Variants in PTPRM observed in about 807,000 individuals in gnomAD.
The protein encoded by PTPRM is receptor-type tyrosine-protein phosphatase mu.
PTPRM carries 47 observed loss-of-function variants against 186.7 expected under a neutral mutation model. That is an observed-to-expected ratio of 0.25 (90% CI 0.20 to 0.32). The LOEUF (loss-of-function observed/expected upper bound fraction) is 0.32. Among genes scored for constraint, PTPRM ranks in the 10% least tolerant of loss-of-function variants. The pLI is 1.00. For synonymous variants in PTPRM, 668 were observed against 674.9 expected (o/e 0.99, Z 0.16); for missense variants, 1,494 against 1,865.0 (o/e 0.80, Z 3.66).
chr18:8,271,736 T>G (rs1012780969), intron 19 of PTPRM, among the ~76,000 whole-genome samples: 1 of 152,128 alleles, frequency 6.6e-6, no homozygotes, highest in Non-Finnish European at 1.5e-5. Context: ...TTCATATGAA[T>G]TTCTACATTT....
chr18:8,181,548 A>G (rs929886559), intron 14 of PTPRM, among the ~76,000 whole-genome samples: 3 of 152,230 alleles, frequency 2.0e-5, no homozygotes, highest in African/African-American at 7.2e-5. Context: ...GACTCCACGG[A>G]CCAAACAAAT....
At chr18:7,891,598 G>A (rs1012746516) in intron 3 of PTPRM, among the ~76,000 whole-genome samples, 21 of 152,166 alleles carry the variant, frequency 1.4e-4, no homozygotes, top group African/African-American at 5.1e-4. Context: ...CGGGCGCAAT[G>A]GCTCGTGCCT....
intron 4 of PTPRM, 21 bp from the exon 5 acceptor site, chr18:7,926,547 T>C: frequency 6.4e-7 from 1 of 1,565,258 alleles, no homozygotes; most frequent in Non-Finnish European, 8.7e-7. Context: ...TTAATATCTT[T>C]CATTCTTTTT....
chr18:8,271,924 T>C (rs2094776420), intron 19 of PTPRM, among the ~76,000 whole-genome samples: 1 of 152,078 alleles, frequency 6.6e-6, no homozygotes, highest in Admixed American at 6.6e-5. Flanking sequence ...AGAAATAACT[T>C]TTGTTGGCTG....
chr18:7,889,328 T>C (rs938466007), intron 3 of PTPRM, among the ~76,000 whole-genome samples: 5 of 123,692 alleles, frequency 4.0e-5, no homozygotes, highest in Non-Finnish European at 7.9e-5. Context: ...TATTTTCTTT[T>C]CTTTCTTTTT....
chr18:8,325,314 C>T (rs2095369022), intron 22 of PTPRM, among the ~76,000 whole-genome samples: 1 of 152,128 alleles, frequency 6.6e-6, no homozygotes, highest in South Asian at 2.1e-4. Context: ...CTCCCTCCTC[C>T]CACCCTCTAC....
intron 1 of PTPRM, among the ~76,000 whole-genome samples, chr18:7,620,100 C>A (rs1363109386): frequency 6.6e-6 from 1 of 152,174 alleles, no homozygotes; most frequent in African/African-American, 2.4e-5. Context: ...AGGAGAAAAC[C>A]ACTCAGGCGG....
At chr18:8,037,986 TA>T (rs1191567258) in intron 7 of PTPRM, among the ~76,000 whole-genome samples, 1 of 152,206 alleles carries the variant, frequency 6.6e-6, no homozygotes, top group Non-Finnish European at 1.5e-5. Context: ...TATGGTATAT[TA>T]AAATTATTTA....
Position 8,406,448 on chromosome 18 carries a change from C to A in PTPRM, c.*286C>A. ...ACAGCTGGTAAACTGAAGAGCACAA[C>A]TATATTCTTATGAAGGAATTTGTAC... On this transcript the variant is annotated 3_prime_UTR_variant, in exon 33 of 33. Transcript: ENST00000580170. 1 of 371,304 alleles carries A rather than the reference C, an allele frequency of 2.7e-6. No homozygotes were observed. The highest frequency in any genetic ancestry group is 4.8e-6 in the Non-Finnish European group (1 of 206,274). The allele number at this position is 371,304 out of a possible 1,614,324, so 23.0% of individuals were successfully genotyped here.
chr18:7,625,831 G>C lies in PTPRM; in HGVS notation c.73+57940G>C, dbSNP rs551192712. On this transcript the variant is annotated intron_variant, in intron 1 of 32. Transcript: ENST00000580170. ...ATTACAGGCGTGAGCAACAGCGCCTGGCCAAGGGGGTTTGTTCATCAAGAT... is the reference window on the plus strand; with the variant it reads ...ATTACAGGCGTGAGCAACAGCGCCTCGCCAAGGGGGTTTGTTCATCAAGAT... Among the ~76,000 whole-genome samples the C allele has an allele frequency of 3.5e-4, 53 of 152,318 alleles. No homozygotes were observed. The South Asian group carries it at 3.9e-3, about 11-fold the overall frequency.
chr18:7,828,531 A>G (rs758117365), intron 2 of PTPRM, among the ~76,000 whole-genome samples: 22 of 152,074 alleles, frequency 1.4e-4, no homozygotes, highest in African/African-American at 3.9e-4. Context: ...ATGCTCCCTC[A>G]TGGATGCCAC....
At chr18:7,953,629 A>G (rs1599703826) in intron 6 of PTPRM, among the ~76,000 whole-genome samples, 3 of 152,216 alleles carry the variant, frequency 2.0e-5, no homozygotes, top group Admixed American at 6.5e-5. Context: ...AAAAGTCAGT[A>G]TGACTTATCC....
chr18:8,192,743 A>G (rs2146725816), intron 14 of PTPRM, among the ~76,000 whole-genome samples: 1 of 152,356 alleles, frequency 6.6e-6, no homozygotes, highest in East Asian at 1.9e-4. Flanking sequence ...AGATCTAATA[A>G]TAAGAATTGT....
rs998390448 is a variant in PTPRM at position 8,230,906 on chromosome 18, GT to G, written c.2301-13149del. On this transcript the variant is annotated intron_variant, in intron 14 of 32. Coordinates refer to ENST00000580170, the MANE Select transcript of PTPRM (RefSeq NM_001105244.2). Reference sequence around the variant, plus strand: ...TGTAATTTGGTATAATATATGCATTGTTTGACTAAACCAATAATAATTTCAT... The same window carrying G: ...TGTAATTTGGTATAATATATGCATTGTTGACTAAACCAATAATAATTTCAT... 2.6e-5 allele frequency among the ~76,000 whole-genome samples: 4 copies of G among 152,042 alleles called. 1 individual carries two copies. The highest frequency in any genetic ancestry group is 2.9e-5 in the Non-Finnish European group (2 of 68,014).
At chr18:7,858,890 G>A (rs187565508) in intron 2 of PTPRM, among the ~76,000 whole-genome samples, 2 of 152,258 alleles carry the variant, frequency 1.3e-5, no homozygotes, top group East Asian at 3.9e-4. Flanking sequence ...CCCAGTGGAC[G>A]ATTAGCTAGT....
chr18:8,340,928 C>T (rs1198698309), intron 22 of PTPRM, among the ~76,000 whole-genome samples: 1 of 152,116 alleles, frequency 6.6e-6, no homozygotes, highest in African/African-American at 2.4e-5. Context: ...CATTGCCTCC[C>T]GTAGAGAACA....
At chr18:7,909,128 C>T (rs2050140130) in intron 4 of PTPRM, among the ~76,000 whole-genome samples, 1 of 152,212 alleles carries the variant, frequency 6.6e-6, no homozygotes, top group African/African-American at 2.4e-5. Context: ...CACTAGCCAG[C>T]ATAAGAGCTC....
chr18:8,349,539 C>G lies in PTPRM; in HGVS notation c.3054+6019C>G, dbSNP rs145367954. ...TCATCTCAATCTACTGTCATCCTTT[C>G]GCCTATCATAGGATGAAGCTGACAT... On this transcript the variant is annotated intron_variant, in intron 23 of 32. Transcript: ENST00000580170. 3.1e-3 allele frequency among the ~76,000 whole-genome samples: 475 copies of G among 152,282 alleles called. 2 individuals are homozygous for G. Among genetic ancestry groups the G allele is most frequent in the African/African-American group, 0.011 (447 of 41,566 alleles).
chr18:7,991,271 T>C (rs894980792), intron 7 of PTPRM, among the ~76,000 whole-genome samples: 1 of 152,188 alleles, frequency 6.6e-6, no homozygotes, highest in Non-Finnish European at 1.5e-5. Context: ...ATGTCATGGT[T>C]GTTTTATTTA....
Sources: allele counts gnomAD v4.1 joint callset (sites outside exome capture counted in the v4.1 genomes callset), GRCh38; gene constraint gnomAD v4.1.1; transcripts MANE v1.5; gene names NCBI Gene and HGNC (gene_info 2026-07-23, HGNC 2026-07-21).